Variants in GPC6 observed in about 807,000 individuals in gnomAD.
GPC6 encodes the protein glypican 6.
GPC6 carries 14 observed loss-of-function variants against 55.2 expected under a neutral mutation model. That is an observed-to-expected ratio of 0.25 (90% CI 0.17 to 0.40). GPC6 has a LOEUF of 0.40. Among genes scored for constraint, GPC6 ranks in the 10% least tolerant of loss-of-function variants. The probability of loss-of-function intolerance (pLI) is 1.00; values close to 1 mark genes in which losing one functional copy is unlikely to be tolerated. For synonymous variants in GPC6, 278 were observed against 259.6 expected (o/e 1.07, Z -0.68); for missense variants, 641 against 708.5 (o/e 0.90, Z 1.08).
intron 2 of GPC6, among the ~76,000 whole-genome samples, chr13:93,697,888 T>C (rs536389531): frequency 6.6e-6 from 1 of 152,310 alleles, no homozygotes; most frequent in South Asian, 2.1e-4. Flanking sequence ...TTCATCTTTA[T>C]ATTTATTTTA....
chr13:93,647,061 G>T (rs1880205101), intron 2 of GPC6, among the ~76,000 whole-genome samples: 2 of 151,996 alleles, frequency 1.3e-5, no homozygotes, highest in South Asian at 4.1e-4. Context: ...ATCAAGATAT[G>T]GTCTTTGAAT....
Position 93,660,514 on chromosome 13 carries a change from G to GT in GPC6, c.319+115099dup, listed in dbSNP as rs199675583. Among the ~76,000 whole-genome samples the GT allele has an allele frequency of 1.1e-3, 160 of 152,204 alleles. No individual in the cohort carries two copies. The East Asian group carries it at 0.024, about 23-fold the overall frequency. ...GAAAATTAAGATTTAGTTAAGCTTAGTTTTTTAAAAAAATCATGGACCTAT... is the reference window on the plus strand; with the variant it reads ...GAAAATTAAGATTTAGTTAAGCTTAGTTTTTTTAAAAAAATCATGGACCTAT... On this transcript the variant is annotated intron_variant, in intron 2 of 8. Coordinates refer to ENST00000377047, the MANE Select transcript of GPC6 (RefSeq NM_005708.5).
chr13:94,176,255 T>C (rs1888764027), intron 4 of GPC6, among the ~76,000 whole-genome samples: 1 of 152,008 alleles, frequency 6.6e-6, no homozygotes, highest in African/African-American at 2.4e-5. Flanking sequence ...AAGAAAAACA[T>C]CTCAGAAGTC....
chr13:94,059,651 G>C (rs1323341047), intron 4 of GPC6, among the ~76,000 whole-genome samples: 1 of 151,996 alleles, frequency 6.6e-6, no homozygotes, highest in Non-Finnish European at 1.5e-5. Context: ...CTGGAGGCCA[G>C]TAAGTCCAAG....
chr13:93,612,128 T>A (rs535790002), intron 2 of GPC6, among the ~76,000 whole-genome samples: 1 of 152,278 alleles, frequency 6.6e-6, no homozygotes, highest in African/African-American at 2.4e-5. Flanking sequence ...TCCCAAAAAA[T>A]AAATGATGAT....
At chr13:94,391,952 A>C (rs1316945628) in intron 7 of GPC6, among the ~76,000 whole-genome samples, 1 of 152,220 alleles carries the variant, frequency 6.6e-6, no homozygotes, top group Admixed American at 6.5e-5. Flanking sequence ...AGGTTCATCT[A>C]TGTGGTATCA....
At chr13:93,921,018 A>T (rs541443350) in intron 3 of GPC6, among the ~76,000 whole-genome samples, 7 of 152,312 alleles carry the variant, frequency 4.6e-5, no homozygotes, top group African/African-American at 1.7e-4. Flanking sequence ...TTCTCCAAGG[A>T]TGCTCTGCCT....
At chr13:93,614,889 A>C (rs1343867168) in intron 2 of GPC6, among the ~76,000 whole-genome samples, 1 of 151,954 alleles carries the variant, frequency 6.6e-6, no homozygotes, top group African/African-American at 2.4e-5. Context: ...TATCTTGCTC[A>C]TTGCTTTTTT....
chr13:93,390,629 A>G (rs957610777), intron 1 of GPC6, among the ~76,000 whole-genome samples: 1 of 152,184 alleles, frequency 6.6e-6, no homozygotes, highest in African/African-American at 2.4e-5. Flanking sequence ...GTGTCTGCTA[A>G]GTTACATACA....
rs139351929 is a variant in GPC6 at position 93,386,762 on chromosome 13, T to A, written c.161-158501T>A. Among the ~76,000 whole-genome samples the A allele has an allele frequency of 7.2e-5, 11 of 152,260 alleles. No homozygotes were observed. In the East Asian group the frequency reaches 2.1e-3, roughly 29 times the overall value. ...CTCTCACATTTTTGGAGACCAGAAA[T>A]CAGAAATCAAGGTGTGGGCAGGACT... On this transcript the variant is annotated intron_variant, in intron 1 of 8. Transcript: ENST00000377047.
At chr13:94,125,484 C>G (rs1273296153) in intron 4 of GPC6, among the ~76,000 whole-genome samples, 1 of 152,050 alleles carries the variant, frequency 6.6e-6, no homozygotes, top group African/African-American at 2.4e-5. Flanking sequence ...AATACTACTG[C>G]TTTTAGGGAA....
At chr13:94,222,561 T>C (rs962308607) in intron 4 of GPC6, among the ~76,000 whole-genome samples, 3 of 152,048 alleles carry the variant, frequency 2.0e-5, no homozygotes, top group Non-Finnish European at 4.4e-5. Flanking sequence ...AGGATGATCC[T>C]TAGTATTGGA....
intron 3 of GPC6, among the ~76,000 whole-genome samples, chr13:93,983,127 G>T (rs1266621628): frequency 6.6e-6 from 1 of 152,180 alleles, no homozygotes; most frequent in Non-Finnish European, 1.5e-5. Context: ...TTACGCATTA[G>T]CTGATGTTCA....
intron 4 of GPC6, among the ~76,000 whole-genome samples, chr13:94,107,508 T>C (rs1018339671): frequency 2.6e-5 from 4 of 151,994 alleles, no homozygotes; most frequent in African/African-American, 9.7e-5. Context: ...TACTTCACTC[T>C]ACTCCTTACT....
At chr13:93,498,827 T>C (rs1880408388) in intron 1 of GPC6, among the ~76,000 whole-genome samples, 1 of 152,212 alleles carries the variant, frequency 6.6e-6, no homozygotes, top group African/African-American at 2.4e-5. Flanking sequence ...TTTATCTGTT[T>C]TTTAATTTCA....
intron 1 of GPC6, among the ~76,000 whole-genome samples, chr13:93,492,418 T>G (rs553665915): frequency 2.7e-5 from 4 of 149,784 alleles, no homozygotes; most frequent in African/African-American, 9.9e-5. Context: ...AAGGAGATTT[T>G]GGGCTGAGAC....
chr13:94,383,443 T>G (rs1566742875), intron 7 of GPC6, among the ~76,000 whole-genome samples: 1 of 152,108 alleles, frequency 6.6e-6, no homozygotes, highest in Non-Finnish European at 1.5e-5. Context: ...CAAGAAGGTG[T>G]GTGGTTGCCA....
chr13:93,547,253 G>A (rs560496209), intron 2 of GPC6, among the ~76,000 whole-genome samples: 1 of 152,048 alleles, frequency 6.6e-6, no homozygotes, highest in South Asian at 2.1e-4. Flanking sequence ...GGCCAAGGCA[G>A]GAGACTCACT....
intron 1 of GPC6, among the ~76,000 whole-genome samples, chr13:93,393,909 G>C (rs1181824425): frequency 1.3e-5 from 2 of 151,834 alleles, no homozygotes; most frequent in African/African-American, 4.8e-5. Context: ...TATATAGCAA[G>C]GCTCAGCACA....
Sources: allele counts gnomAD v4.1 joint callset (sites outside exome capture counted in the v4.1 genomes callset), GRCh38; gene constraint gnomAD v4.1.1; transcripts MANE v1.5; gene names NCBI Gene and HGNC (gene_info 2026-07-23, HGNC 2026-07-21).